The following COX7B variants were observed in gnomAD, a reference collection of about 807,000 sequenced individuals.
COX7B encodes cytochrome c oxidase subunit 7B, mitochondrial.
COX7B carries 2 observed loss-of-function variants against 7.9 expected under a neutral mutation model. That is an observed-to-expected ratio of 0.25 (90% confidence interval 0.10 to 0.79). The LOEUF (loss-of-function observed/expected upper bound fraction) is 0.79. COX7B is among the 30% of genes least tolerant of loss of function. COX7B has a pLI of 0.69. For missense variants in COX7B, 54 were observed against 62.7 expected, an observed-to-expected ratio of 0.86 and a Z score of 0.47; for synonymous variants, 19 against 21.1, an observed-to-expected ratio of 0.90 and a Z score of 0.27.
In COX7B at chrX:77,905,416, T is replaced by C. The variant is rs782483712; in HGVS notation, c.*155T>C. ...GGTTTTGTTTCTTTGTAAATGAAAC[T>C]AAGCTTGATCACTTTAGCCTTTATG... is the stretch of plus-strand genomic sequence containing the variant. On this transcript the variant is annotated 3_prime_UTR_variant, in exon 3 of 3. Coordinates refer to ENST00000650309, the MANE Select transcript of COX7B (RefSeq NM_001866.3). 344 of 414,874 alleles carry C rather than the reference T, an allele frequency of 8.3e-4. No individual in the cohort carries two copies. Among genetic ancestry groups the C allele is most frequent in the African/African-American group, 8.0e-3 (312 of 39,166 alleles). The allele number at this position is 414,874 out of a possible 1,213,427, so 34.2% of individuals were successfully genotyped here. A position where few individuals can be genotyped will look rare whatever the true frequency, so the allele number is the denominator to read the frequency against.
Position 77,906,760 on chromosome X carries a change from TG to T in COX7B, c.*1501del, listed in dbSNP as rs2077136150. On this transcript the variant is annotated 3_prime_UTR_variant, in exon 3 of 3. Transcript: ENST00000650309. Reference sequence around the variant, plus strand: ...CTCCTGTCTCAGCCTCCCTAGTAACTGGAATTACAGGCGCCTGCCACCATGC... The same window carrying T: ...CTCCTGTCTCAGCCTCCCTAGTAACTGAATTACAGGCGCCTGCCACCATGC... 9.0e-6 allele frequency: 1 copy of T among 110,813 alleles called. No individual in the cohort carries two copies. The highest frequency in any genetic ancestry group is 2.8e-4 in the East Asian group (1 of 3,530). 9.1% of individuals were successfully genotyped at this position (110,813 alleles called of 1,213,427 possible).
chrX:77,903,847 AT>A (rs1441299569), intron 2 of COX7B, among the ~76,000 whole-genome samples: 1 of 108,894 alleles, frequency 9.2e-6, no homozygotes, highest in Non-Finnish European at 1.9e-5. Flanking sequence ...TACATCTTAC[AT>A]TTAACAATCT....
At chrX:77,899,757 T>C (rs1407203471) in intron 1 of COX7B, among the ~76,000 whole-genome samples, 164 bp downstream of exon 1, 3 of 111,163 alleles carry the variant, frequency 2.7e-5, no homozygotes, top group Non-Finnish European at 5.7e-5. Context: ...TAGCATTGGC[T>C]TTATCACCCA....
chrX:77,906,918 G>A lies in COX7B; in HGVS notation c.*1657G>A, dbSNP rs1557221218. The A allele has an allele frequency of 9.0e-6, 1 of 111,228 alleles. No homozygotes were observed. The highest frequency in any genetic ancestry group is 1.9e-5 in the Non-Finnish European group (1 of 53,122). 9.2% of individuals were successfully genotyped at this position (111,228 alleles called of 1,213,427 possible). ...GCTAGGCTTACAGGCATGAGACACC[G>A]CGCCCGGCTTATATATCATTACTTT... On this transcript the variant is annotated 3_prime_UTR_variant, in exon 3 of 3. Transcript: ENST00000650309.
chrX:77,899,630 T>A, intron 1 of COX7B, 37 bp downstream of exon 1: 1 of 1,180,990 alleles, frequency 8.5e-7, no homozygotes, highest in South Asian at 1.8e-5. Context: ...TACAACAACC[T>A]TATATCAATG....
rs1452547582 is a variant in COX7B at position 77,899,726 on chromosome X, A to T, written c.40+133A>T. 6 of 603,827 alleles carry T rather than the reference A, an allele frequency of 9.9e-6. No individual in the cohort carries two copies. The African/African-American group carries it at 1.3e-4, about 14-fold the overall frequency. The allele number at this position is 603,827 out of a possible 1,213,427, so 49.8% of individuals were successfully genotyped here. A position where few individuals can be genotyped will look rare whatever the true frequency, so the allele number is the denominator to read the frequency against. ...TGCTGTCTGTCTCCCATCTCGTCCC[A>T]AGTCATTGGGATGATGTCCTTAGCA... On this transcript the variant is annotated intron_variant, in intron 1 of 2. Transcript: ENST00000650309.
chrX:77,899,627 A>G, intron 1 of COX7B, 34 bp downstream of exon 1: 1 of 1,186,300 alleles, frequency 8.4e-7, no homozygotes, highest in Non-Finnish European at 1.1e-6. Context: ...ATTTACAACA[A>G]CCTTATATCA....
At chrX:77,904,976 A>G (rs1363969579) in intron 2 of COX7B, among the ~76,000 whole-genome samples, 1 of 112,390 alleles carries the variant, frequency 8.9e-6, no homozygotes, top group Non-Finnish European at 1.9e-5. Context: ...CATTTCCTTC[A>G]GCTCAAGAAG....
In COX7B at chrX:77,905,252, G is replaced by A. The variant is rs1557221017; in HGVS notation, c.234G>A (p.Arg78=). 1.7e-6 allele frequency: 2 copies of A among 1,201,609 alleles called. No individual in the cohort carries two copies. Among genetic ancestry groups the A allele is most frequent in the Admixed American group, 4.4e-5 (2 of 45,883 alleles). Residue 78 remains arginine, a synonymous_variant, in exon 3 of 3, where the codon AGG becomes AGA. Coordinates refer to ENST00000650309, the MANE Select transcript of COX7B (RefSeq NM_001866.3). ...PVGRVTPKEW[R]NQ Reference sequence around the variant, plus strand: ...GCAGAGTTACCCCAAAGGAATGGAGGAATCAGTAATCATCCCAGCTGGTGT... The same window carrying A: ...GCAGAGTTACCCCAAAGGAATGGAGAAATCAGTAATCATCCCAGCTGGTGT...
intron 1 of COX7B, chrX:77,901,836 G>A (rs1557220675): frequency 9.0e-6 from 1 of 111,068 alleles, no homozygotes; most frequent in Non-Finnish European, 1.9e-5. Flanking sequence ...GTGATCGTCC[G>A]GCCACAGCCT....
chrX:77,902,625 T>G lies in COX7B; in HGVS notation c.41-18T>G. 8.3e-7 allele frequency: 1 copy of G among 1,207,932 alleles called. No homozygotes were observed. Among genetic ancestry groups the G allele is most frequent in the Non-Finnish European group, 1.1e-6 (1 of 894,178 alleles). ...ATTGATAATATGCTTCTGTATTCTT[T>G]TTTCGTTTTCCTGTAAGTTCGAAGC... On this transcript the variant is annotated intron_variant, in intron 1 of 2. Coordinates refer to ENST00000650309, the MANE Select transcript of COX7B (RefSeq NM_001866.3).
intron 2 of COX7B, 121 bp downstream of exon 2, chrX:77,902,888 A>G (rs2077124366): frequency 3.0e-6 from 2 of 665,003 alleles, no homozygotes; most frequent in African/African-American, 4.4e-5. Flanking sequence ...AGATTGTGTA[A>G]TCTAATTACC....
At position 77,899,653 on chromosome X, in the gene COX7B, C is replaced by T. The variant is rs782807803; in HGVS notation, c.40+60C>T. The T allele has an allele frequency of 8.6e-5, 93 of 1,077,151 alleles. No individual in the cohort carries two copies. The African/African-American group carries it at 1.5e-3, about 17-fold the overall frequency. The allele number at this position is 1,077,151 out of a possible 1,213,427, so 88.8% of individuals were successfully genotyped here. ...CCTTATATCAATGTGTCCTCGCGGCCTCTCGTGTGCTTTCCTTTTACGAAC... is the reference window on the plus strand; with the variant it reads ...CCTTATATCAATGTGTCCTCGCGGCTTCTCGTGTGCTTTCCTTTTACGAAC... On this transcript the variant is annotated intron_variant, in intron 1 of 2. Coordinates refer to ENST00000650309, the MANE Select transcript of COX7B (RefSeq NM_001866.3).
In COX7B at chrX:77,905,653, G is replaced by T; in HGVS notation, c.*392G>T. 8.6e-6 allele frequency: 1 copy of T among 115,972 alleles called. No individual in the cohort carries two copies. The highest frequency in any genetic ancestry group is 9.4e-5 in the Admixed American group (1 of 10,619). The allele number at this position is 115,972 out of a possible 1,213,427, so 9.6% of individuals were successfully genotyped here. ...CTACAGGCACATGCCATGACGCCCA[G>T]CTAATTTTTTTTTTTTTTGAGACGG... On this transcript the variant is annotated 3_prime_UTR_variant, in exon 3 of 3. Transcript: ENST00000650309.
intron 2 of COX7B, 194 bp downstream of exon 2, chrX:77,902,961 G>T: frequency 9.6e-6 from 3 of 310,928 alleles, no homozygotes; most frequent in South Asian, 1.3e-4. Flanking sequence ...AACATTCCCA[G>T]TAATAAATTG....
chrX:77,902,857 T>C, intron 2 of COX7B, 90 bp downstream of exon 2: 1 of 916,208 alleles, frequency 1.1e-6, no homozygotes, highest in Non-Finnish European at 1.5e-6. Flanking sequence ...AGTGTACATA[T>C]CTAGTTAGGA....
rs2077135097 is a variant in COX7B, at chrX:77,906,365, GC to G, written c.*1106del. On this transcript the variant is annotated 3_prime_UTR_variant, in exon 3 of 3. Coordinates refer to ENST00000650309, the MANE Select transcript of COX7B (RefSeq NM_001866.3). The stretch of plus-strand genomic sequence containing the variant: ...AGTGGTCCTATAAAACAAACTCGTA[GC>G]CTGTCTGAAGACTAGCTACTAGCTC... 2.7e-5 allele frequency: 3 copies of G among 111,620 alleles called. No individual in the cohort carries two copies. The Admixed American group carries it at 2.9e-4, about 11-fold the overall frequency. The allele number at this position is 111,620 out of a possible 1,213,427, so 9.2% of individuals were successfully genotyped here.
rs1352204417 is a variant in COX7B at position 77,907,188 on chromosome X, G to A, written c.*1927G>A. The A allele has an allele frequency of 9.0e-6, 1 of 111,571 alleles. No individual in the cohort carries two copies. Among genetic ancestry groups the A allele is most frequent in the African/African-American group, 3.3e-5 (1 of 30,722 alleles). 9.2% of individuals were successfully genotyped at this position (111,571 alleles called of 1,213,427 possible). ...TTTATTTGAAGAGGAAAAATTGAACGTCATTGTAAATTAAGTTGCAAGTTT... is the reference window on the plus strand; with the variant it reads ...TTTATTTGAAGAGGAAAAATTGAACATCATTGTAAATTAAGTTGCAAGTTT... On this transcript the variant is annotated 3_prime_UTR_variant, in exon 3 of 3. Transcript: ENST00000650309.
intron 1 of COX7B, among the ~76,000 whole-genome samples, chrX:77,901,172 C>T (rs2149033288): frequency 9.1e-6 from 1 of 110,217 alleles, no homozygotes; most frequent in Admixed American, 9.7e-5. Flanking sequence ...TGATAATGGT[C>T]TAATAACTAT....
Sources: allele counts gnomAD v4.1 joint callset (sites outside exome capture counted in the v4.1 genomes callset), GRCh38; gene constraint gnomAD v4.1.1; transcripts MANE v1.5; gene names NCBI Gene and HGNC (gene_info 2026-07-23, HGNC 2026-07-21).